TPST1: variants seen among roughly 807,000 people sequenced by gnomAD.
TPST1 encodes protein-tyrosine sulfotransferase 1.
In TPST1, 20 loss-of-function variants were observed where a neutral mutation model predicts 34.8. The observed-to-expected ratio is 0.57, with a 90% CI of 0.40 to 0.84. The LOEUF (loss-of-function observed/expected upper bound fraction) is 0.84. TPST1 is among the 40% of genes least tolerant of loss of function. TPST1 has a pLI of 0.00. For synonymous variants in TPST1, 152 were observed against 159.4 expected, an observed-to-expected ratio of 0.95 and a Z score of 0.35; for missense variants, 353 against 455.5, an observed-to-expected ratio of 0.78 and a Z score of 2.05.
intron 3 of TPST1, among the ~76,000 whole-genome samples, chr7:66,336,874 T>C (rs1792131808): frequency 6.6e-6 from 1 of 152,138 alleles, no homozygotes; most frequent in Admixed American, 6.5e-5. Context: ...ATGTGTCCCA[T>C]TCAACATACC....
chr7:66,253,993 A>G (rs1790327434), intron 2 of TPST1, among the ~76,000 whole-genome samples: 1 of 121,926 alleles, frequency 8.2e-6, no homozygotes, highest in Non-Finnish European at 1.7e-5. Flanking sequence ...ACAGAGTGAG[A>G]CTCTGTTTCA....
chr7:66,301,755 G>A (rs1264543912), intron 3 of TPST1, among the ~76,000 whole-genome samples: 1 of 152,138 alleles, frequency 6.6e-6, no homozygotes, highest in Non-Finnish European at 1.5e-5. Context: ...GCTTAGGATC[G>A]TGGCACCCCA....
chr7:66,284,561 T>C (rs1790996311), intron 2 of TPST1, among the ~76,000 whole-genome samples: 2 of 150,102 alleles, frequency 1.3e-5, no homozygotes, highest in Admixed American at 6.6e-5. Context: ...CTTTTTTTTT[T>C]TTTTTTTTTT....
chr7:66,300,213 G>C (rs1256059020), intron 3 of TPST1, among the ~76,000 whole-genome samples: 1 of 152,132 alleles, frequency 6.6e-6, no homozygotes, highest in African/African-American at 2.4e-5. Flanking sequence ...AATTTGTTTT[G>C]TTATGTAATA....
chr7:66,277,015 T>TA (rs1790831575), intron 2 of TPST1, among the ~76,000 whole-genome samples: 1 of 152,198 alleles, frequency 6.6e-6, no homozygotes, highest in African/African-American at 2.4e-5. Flanking sequence ...GGTAAAGCGT[T>TA]AAATAATATG....
intron 2 of TPST1, among the ~76,000 whole-genome samples, chr7:66,246,623 A>G (rs1321637991): frequency 6.6e-6 from 1 of 152,246 alleles, no homozygotes; most frequent in East Asian, 1.9e-4. Context: ...ATTTCTCTAC[A>G]AATAGTAGAG....
chr7:66,279,104 G>A (rs1790881223), intron 2 of TPST1, among the ~76,000 whole-genome samples: 1 of 152,050 alleles, frequency 6.6e-6, no homozygotes, highest in Non-Finnish European at 1.5e-5. Context: ...CCCTTAAGTA[G>A]GCCCAAGCGT....
At chr7:66,238,159 T>C (rs780241822) in intron 1 of TPST1, among the ~76,000 whole-genome samples, 1 of 152,214 alleles carries the variant, frequency 6.6e-6, no homozygotes, top group African/African-American at 2.4e-5. Context: ...GTCTAGGTTC[T>C]GGGGTGATTA....
chr7:66,268,003 A>G (rs1790625941), intron 2 of TPST1, among the ~76,000 whole-genome samples: 1 of 150,330 alleles, frequency 6.7e-6, no homozygotes, highest in Non-Finnish European at 1.5e-5. Context: ...CCCAGGCTGG[A>G]GTGCAGTGGT....
intron 2 of TPST1, among the ~76,000 whole-genome samples, chr7:66,270,493 A>G (rs540101538): frequency 1.3e-5 from 2 of 152,198 alleles, no homozygotes; most frequent in Non-Finnish European, 2.9e-5. Context: ...GCTTCTTTAT[A>G]CTTTTATTAC....
At chr7:66,214,748 G>C (rs886065730) in intron 1 of TPST1, among the ~76,000 whole-genome samples, 1 of 150,386 alleles carries the variant, frequency 6.6e-6, no homozygotes, top group East Asian at 1.9e-4. Flanking sequence ...ACCTGGGAGG[G>C]GAGGCGAGAT....
At chr7:66,277,462 A>G (rs1002587822) in intron 2 of TPST1, among the ~76,000 whole-genome samples, 1 of 151,980 alleles carries the variant, frequency 6.6e-6, no homozygotes, top group Non-Finnish European at 1.5e-5. Flanking sequence ...ACGAACTTGT[A>G]TTTTGGAGTT....
At chr7:66,268,358 A>G (rs1790632429) in intron 2 of TPST1, among the ~76,000 whole-genome samples, 2 of 152,210 alleles carry the variant, frequency 1.3e-5, no homozygotes. Context: ...AGATTTTCTA[A>G]TGAGACCTTC....
At chr7:66,216,475 CT>C (rs142729625) in intron 1 of TPST1, among the ~76,000 whole-genome samples, 63 of 143,972 alleles carry the variant, frequency 4.4e-4, no homozygotes, top group Middle Eastern at 3.6e-3. Flanking sequence ...TGCTCTTTTT[CT>C]TTTTTTTTTT....
intron 3 of TPST1, among the ~76,000 whole-genome samples, chr7:66,350,754 C>T (rs77728690): frequency 3.9e-4 from 59 of 152,256 alleles, no homozygotes; most frequent in Non-Finnish European, 2.1e-4. Flanking sequence ...TTGTTACAAT[C>T]GCGATTCCGG....
the TPST1 span, among the ~76,000 whole-genome samples, chr7:66,199,066 C>T: frequency 6.6e-6 from 1 of 152,232 alleles, no homozygotes; most frequent in Non-Finnish European, 1.5e-5. Flanking sequence ...CTCTGGAGTC[C>T]TCTCCTGGAG....
At chr7:66,251,912 T>C (rs1224237438) in intron 2 of TPST1, among the ~76,000 whole-genome samples, 1 of 152,170 alleles carries the variant, frequency 6.6e-6, no homozygotes, top group Non-Finnish European at 1.5e-5. Context: ...AGATTATTTA[T>C]ACATTTTTAC....
At chr7:66,330,138 C>T (rs567067835) in intron 3 of TPST1, among the ~76,000 whole-genome samples, 4 of 152,126 alleles carry the variant, frequency 2.6e-5, no homozygotes, top group Non-Finnish European at 5.9e-5. Context: ...TGGCCATTTC[C>T]TAATCCCTGG....
intron 3 of TPST1, among the ~76,000 whole-genome samples, chr7:66,301,810 C>T (rs1791324204): frequency 6.6e-6 from 1 of 152,104 alleles, no homozygotes; most frequent in Non-Finnish European, 1.5e-5. Flanking sequence ...CGCACATCAC[C>T]GTAACAGATA....
Sources: gnomAD v4.1 joint callset for allele counts (sites outside exome capture counted in the v4.1 genomes callset) on GRCh38, gnomAD v4.1.1 for gene constraint, MANE v1.5 for transcripts, NCBI Gene and HGNC (gene_info 2026-07-23, HGNC 2026-07-21) for gene names.